EFCAB11: variants seen among roughly 807,000 people sequenced by gnomAD.
EFCAB11 encodes the protein EF-hand calcium binding domain 11.
In EFCAB11, 14 loss-of-function variants were observed where a neutral mutation model predicts 23.0. The ratio of observed to expected loss-of-function variants is 0.61; its 90% confidence interval spans 0.40 to 0.95. EFCAB11 has a LOEUF of 0.95. Ranked by LOEUF, EFCAB11 falls within the 40% of genes least tolerant of loss-of-function variation. EFCAB11 has a pLI of 0.00. For synonymous variants in EFCAB11, 65 were observed against 66.6 expected (o/e 0.98, Z 0.11); for missense variants, 198 against 195.8 (o/e 1.01, Z -0.07).
intron 5 of EFCAB11, among the ~76,000 whole-genome samples, chr14:89,847,479 C>T (rs1399122546): frequency 6.6e-6 from 1 of 152,106 alleles, no homozygotes; most frequent in South Asian, 2.1e-4. Flanking sequence ...GTGGGTCATG[C>T]CTGTAATCCC....
chr14:89,896,005 G>C (rs1372065059), intron 5 of EFCAB11, among the ~76,000 whole-genome samples: 1 of 152,178 alleles, frequency 6.6e-6, no homozygotes. Context: ...TAAATGTGAA[G>C]AGATAAGAGA....
At chr14:89,925,577 C>G (rs1890164037) in intron 5 of EFCAB11, among the ~76,000 whole-genome samples, 1 of 151,768 alleles carries the variant, frequency 6.6e-6, no homozygotes, top group African/African-American at 2.4e-5. Context: ...GAAACATCAT[C>G]TTTGATACAG....
chr14:89,952,136 T>C (rs1327986266), intron 2 of EFCAB11, among the ~76,000 whole-genome samples: 2 of 152,194 alleles, frequency 1.3e-5, no homozygotes, highest in Non-Finnish European at 2.9e-5. Flanking sequence ...TAAAAGTTCA[T>C]TGTACAAATG....
chr14:89,799,051 A>T lies in EFCAB11; in HGVS notation c.411-1727T>A, dbSNP rs1310970540. On this transcript the variant is annotated intron_variant, in intron 5 of 5. Transcript: ENST00000316738. ...CCATCCCCCTGCCTCGGCCTCCCAA[A>T]GTGCTGGGATTATAGGCATGAGCCA... The T allele has an allele frequency of 2.0e-5, 3 of 152,202 alleles. No individual in the cohort carries two copies. In the East Asian group the frequency reaches 5.8e-4, roughly 29 times the overall value. The allele number at this position is 152,202 out of a possible 1,614,324, so 9.4% of individuals were successfully genotyped here. A position where few individuals can be genotyped will look rare whatever the true frequency, so the allele number is the denominator to read the frequency against.
At chr14:89,919,671 G>C (rs935178875) in intron 5 of EFCAB11, among the ~76,000 whole-genome samples, 2 of 152,170 alleles carry the variant, frequency 1.3e-5, no homozygotes, top group Non-Finnish European at 2.9e-5. Flanking sequence ...AAGGGTATTA[G>C]TATTAGTACT....
intron 5 of EFCAB11, among the ~76,000 whole-genome samples, chr14:89,801,434 T>C (rs1363966164): frequency 6.6e-6 from 1 of 151,526 alleles, no homozygotes; most frequent in Non-Finnish European, 1.5e-5. Context: ...AAAGGCAGGA[T>C]GATCCATCCA....
chr14:89,913,125 G>A (rs540206522), intron 5 of EFCAB11, among the ~76,000 whole-genome samples: 1 of 152,342 alleles, frequency 6.6e-6, no homozygotes, highest in Non-Finnish European at 1.5e-5. Flanking sequence ...GCCTGCTTCT[G>A]TGGGGAACTC....
At chr14:89,954,106 G>T in intron 1 of EFCAB11, 105 bp from the exon 2 acceptor site, 1 of 986,518 alleles carries the variant, frequency 1.0e-6, no homozygotes, top group Non-Finnish European at 1.5e-6. Flanking sequence ...TTGGCCCAGC[G>T]GTAGAGTATG....
chr14:89,845,932 G>A (rs1471048896), intron 5 of EFCAB11, among the ~76,000 whole-genome samples: 3 of 152,104 alleles, frequency 2.0e-5, no homozygotes, highest in Admixed American at 2.0e-4. Context: ...CCCCAGCATC[G>A]ACAGACAGTT....
intron 2 of EFCAB11, chr14:89,952,479 G>A (rs1938183755): frequency 1.0e-6 from 1 of 985,366 alleles, no homozygotes; most frequent in Non-Finnish European, 1.2e-6. Flanking sequence ...AATGATTACA[G>A]GTAAACAGGA....
At chr14:89,948,389 T>G (rs977921012) in intron 3 of EFCAB11, among the ~76,000 whole-genome samples, 2 of 152,224 alleles carry the variant, frequency 1.3e-5, no homozygotes, top group South Asian at 4.1e-4. Context: ...CTGGTAGGCA[T>G]GTAAATTAGT....
At chr14:89,934,375 G>A (rs1354113488) in intron 3 of EFCAB11, among the ~76,000 whole-genome samples, 6 of 152,176 alleles carry the variant, frequency 3.9e-5, no homozygotes, top group Non-Finnish European at 7.3e-5. Flanking sequence ...GATGTGGCAG[G>A]TGAGAAAGAA....
At chr14:89,797,375 T>C (rs1486029663) in intron 5 of EFCAB11, 51 bp from the exon 6 acceptor site, 4 of 1,496,376 alleles carry the variant, frequency 2.7e-6, no homozygotes, top group African/African-American at 1.4e-5. Flanking sequence ...TTAACACCTA[T>C]GCACCGAGAG....
At chr14:89,874,181 T>C (rs528098060) in intron 5 of EFCAB11, among the ~76,000 whole-genome samples, 1 of 152,342 alleles carries the variant, frequency 6.6e-6, no homozygotes, top group African/African-American at 2.4e-5. Context: ...AAGCCTCCAA[T>C]GCTTGGGGCT....
chr14:89,918,056 G>A (rs976043246), intron 5 of EFCAB11, among the ~76,000 whole-genome samples: 1 of 152,150 alleles, frequency 6.6e-6, no homozygotes, highest in African/African-American at 2.4e-5. Flanking sequence ...ACAACTGGAG[G>A]TACTTAGTTG....
At chr14:89,884,818 T>A (rs1486074101) in intron 5 of EFCAB11, among the ~76,000 whole-genome samples, 2 of 152,198 alleles carry the variant, frequency 1.3e-5, no homozygotes, top group Admixed American at 6.5e-5. Flanking sequence ...AGTAATTAGG[T>A]CATGAGAGTG....
intron 5 of EFCAB11, among the ~76,000 whole-genome samples, chr14:89,906,426 T>G (rs777720678): frequency 1.3e-5 from 2 of 152,164 alleles, no homozygotes; most frequent in African/African-American, 2.4e-5. Flanking sequence ...TTGGGCGATT[T>G]ATAGCTAGAA....
chr14:89,828,409 C>G (rs548792458), intron 5 of EFCAB11, among the ~76,000 whole-genome samples: 2 of 151,958 alleles, frequency 1.3e-5, no homozygotes, highest in African/African-American at 4.8e-5. Context: ...GACTTTTTTT[C>G]GTGAGAAAAT....
chr14:89,954,549 C>A, intron 1 of EFCAB11, 37 bp downstream of exon 1: 1 of 1,609,678 alleles, frequency 6.2e-7, no homozygotes, highest in African/African-American at 1.3e-5. Flanking sequence ...CCAGGCCAAG[C>A]TGAAGTCCGA....
Sources: gnomAD v4.1 joint callset for allele counts (sites outside exome capture counted in the v4.1 genomes callset) on GRCh38, gnomAD v4.1.1 for gene constraint, MANE v1.5 for transcripts, NCBI Gene and HGNC (gene_info 2026-07-23, HGNC 2026-07-21) for gene names.